CTNND2: variants seen among roughly 807,000 people sequenced by gnomAD.
The protein encoded by CTNND2 is catenin delta-2.
A neutral mutation model predicts 144.4 loss-of-function variants in CTNND2; 22 were observed. The ratio of observed to expected loss-of-function variants is 0.15; its 90% CI spans 0.11 to 0.22. The LOEUF (loss-of-function observed/expected upper bound fraction) is 0.22. Ranked by LOEUF, CTNND2 falls within the 10% of genes least tolerant of loss-of-function variation. The pLI is 1.00. For synonymous variants in CTNND2, 751 were observed against 695.6 expected (o/e 1.08, Z -1.25); for missense variants, 1,353 against 1,618.8 (o/e 0.84, Z 2.82).
At chr5:11,167,091 C>A (rs750037375) in intron 11 of CTNND2, among the ~76,000 whole-genome samples, 1 of 152,084 alleles carries the variant, frequency 6.6e-6, no homozygotes, top group Non-Finnish European at 1.5e-5. Context: ...GTGGGGATTA[C>A]ACAAAGGTCG....
rs567830686 is a variant in CTNND2 at position 11,363,199 on chromosome 5, T to A, written c.1372+1497A>T. Among the ~76,000 whole-genome samples the A allele has an allele frequency of 5.3e-4, 81 of 152,334 alleles. No individual in the cohort carries two copies. In the East Asian group the frequency reaches 0.014, roughly 27 times the overall value. Reference sequence around the variant, plus strand: ...CACTAGAGTTTTCTTTTTTTAAGTATGGATATCTTCCCTGTGTTTAATGTG... The same window carrying A: ...CACTAGAGTTTTCTTTTTTTAAGTAAGGATATCTTCCCTGTGTTTAATGTG... On this transcript the variant is annotated intron_variant, in intron 8 of 21. Transcript: ENST00000304623.
chr5:11,655,861 C>T (rs189071211), intron 2 of CTNND2, among the ~76,000 whole-genome samples: 1 of 152,090 alleles, frequency 6.6e-6, no homozygotes, highest in East Asian at 1.9e-4. Context: ...TCCAGGTTTC[C>T]CAAGTTGCTA....
chr5:11,333,389 C>G (rs41079), intron 9 of CTNND2, among the ~76,000 whole-genome samples: 101,571 of 151,996 alleles, frequency 0.67, 34,401 homozygotes, highest in African/African-American at 0.77. Context: ...TTAGTCTTCA[C>G]AGTAGATAGG....
intron 2 of CTNND2, among the ~76,000 whole-genome samples, chr5:11,677,124 C>T (rs962565508): frequency 3.9e-5 from 6 of 152,288 alleles, no homozygotes; most frequent in African/African-American, 9.6e-5. Flanking sequence ...CCTAACCTAG[C>T]GTGTCAACCA....
chr5:11,730,897 G>T (rs1787352754), intron 2 of CTNND2, among the ~76,000 whole-genome samples: 1 of 152,164 alleles, frequency 6.6e-6, no homozygotes, highest in Non-Finnish European at 1.5e-5. Flanking sequence ...GATCACACAT[G>T]AATAAGAAAG....
intron 3 of CTNND2, among the ~76,000 whole-genome samples, chr5:11,518,329 T>C (rs972869510): frequency 6.6e-5 from 10 of 152,292 alleles, no homozygotes; most frequent in African/African-American, 2.4e-4. Flanking sequence ...TGTACAGCTG[T>C]ACAATTTGTG....
At chr5:11,258,202 C>T (rs1561107434) in intron 9 of CTNND2, among the ~76,000 whole-genome samples, 2 of 152,152 alleles carry the variant, frequency 1.3e-5, no homozygotes, top group African/African-American at 4.8e-5. Context: ...CATCAGGGAA[C>T]CAACATATGC....
chr5:11,189,767 T>C (rs1481935895), intron 11 of CTNND2, among the ~76,000 whole-genome samples: 1 of 152,200 alleles, frequency 6.6e-6, no homozygotes, highest in African/African-American at 2.4e-5. Context: ...AAGGGTTAAC[T>C]ATAGTAGGCA....
intron 1 of CTNND2, among the ~76,000 whole-genome samples, chr5:11,787,101 T>A (rs1017948786): frequency 2.0e-5 from 3 of 152,196 alleles, no homozygotes; most frequent in African/African-American, 7.2e-5. Flanking sequence ...TTCTGGACTA[T>A]GCGATAGTGG....
chr5:11,076,582 T>C (rs530500665), intron 16 of CTNND2, among the ~76,000 whole-genome samples: 10 of 152,322 alleles, frequency 6.6e-5, no homozygotes, highest in African/African-American at 2.4e-4. Flanking sequence ...TACTATTCTA[T>C]GCCAGTAGGA....
chr5:11,871,022 G>A (rs1735062057), intron 1 of CTNND2, among the ~76,000 whole-genome samples: 4 of 152,156 alleles, frequency 2.6e-5, no homozygotes, highest in African/African-American at 9.7e-5. Flanking sequence ...TTTAGGTAAG[G>A]TCATGAGGGT....
intron 9 of CTNND2, among the ~76,000 whole-genome samples, chr5:11,251,272 AG>A (rs1369640959): frequency 6.6e-6 from 1 of 152,196 alleles, no homozygotes. Context: ...AGTTCCATTT[AG>A]TAAGTTCTTA....
intron 1 of CTNND2, among the ~76,000 whole-genome samples, chr5:11,872,833 T>C (rs762905036): frequency 3.3e-5 from 5 of 152,100 alleles, no homozygotes; most frequent in Non-Finnish European, 7.4e-5. Flanking sequence ...CCCTTCCTTA[T>C]ACCTTATACA....
chr5:10,994,651 G>A (rs1475509873), intron 18 of CTNND2, among the ~76,000 whole-genome samples: 1 of 152,130 alleles, frequency 6.6e-6, no homozygotes, highest in Non-Finnish European at 1.5e-5. Flanking sequence ...GCCCACAGAA[G>A]AACAGATGTG....
At chr5:11,242,845 C>A (rs1580691474) in intron 9 of CTNND2, among the ~76,000 whole-genome samples, 2 of 152,276 alleles carry the variant, frequency 1.3e-5, no homozygotes, top group African/African-American at 4.8e-5. Flanking sequence ...ACAGGACAGT[C>A]CCTTAGATCT....
At chr5:11,714,912 C>G (rs1334877021) in intron 2 of CTNND2, among the ~76,000 whole-genome samples, 1 of 94,846 alleles carries the variant, frequency 1.1e-5, no homozygotes, top group African/African-American at 3.8e-5. Flanking sequence ...TATTCCGTCT[C>G]AAAAAAAAAA....
chr5:11,497,744 G>C (rs1770112220), intron 3 of CTNND2, among the ~76,000 whole-genome samples: 1 of 152,106 alleles, frequency 6.6e-6, no homozygotes. Context: ...AATTGGGCAA[G>C]AAAAATTAAG....
At chr5:11,363,434 C>T (rs1221815519) in intron 8 of CTNND2, among the ~76,000 whole-genome samples, 1 of 151,846 alleles carries the variant, frequency 6.6e-6, no homozygotes, top group East Asian at 1.9e-4. Flanking sequence ...ATAAAATTAC[C>T]TTACTTAAAA....
At chr5:11,231,546 T>C (rs1295784778) in intron 10 of CTNND2, among the ~76,000 whole-genome samples, 2 of 152,216 alleles carry the variant, frequency 1.3e-5, no homozygotes, top group Non-Finnish European at 2.9e-5. Context: ...GGCAGCATTT[T>C]GCTCCTGCTC....
Sources: allele counts gnomAD v4.1 joint callset (sites outside exome capture counted in the v4.1 genomes callset), GRCh38; gene constraint gnomAD v4.1.1; transcripts MANE v1.5; gene names NCBI Gene and HGNC (gene_info 2026-07-23, HGNC 2026-07-21).